ZFYVE9: variants seen among roughly 807,000 people sequenced by gnomAD.
The protein encoded by ZFYVE9 is zinc finger FYVE domain-containing protein 9.
A neutral mutation model predicts 126.7 loss-of-function variants in ZFYVE9; 43 were observed. The ratio of observed to expected loss-of-function variants is 0.34; its 90% CI spans 0.27 to 0.44. The LOEUF (loss-of-function observed/expected upper bound fraction) is 0.44, where lower values mean the gene tolerates loss of function less well. Among genes scored for constraint, ZFYVE9 ranks in the 20% least tolerant of loss-of-function variants. The pLI, the probability that ZFYVE9 is intolerant of heterozygous loss-of-function variation, is 1.00. For synonymous variants in ZFYVE9, 521 were observed against 597.4 expected, an observed-to-expected ratio of 0.87 and a Z score of 1.87; for missense variants, 1,476 against 1,697.0, an observed-to-expected ratio of 0.87 and a Z score of 2.29.
Position 52,255,938 on chromosome 1 carries a change from CTTTTCTTTTCTTTTCTTTTCTTTTCT to C in ZFYVE9, c.2179-7831_2179-7806del, listed in dbSNP as rs1350535178. Among the ~76,000 whole-genome samples, 585 of 124,222 alleles carry C rather than the reference CTTTTCTTTTCTTTTCTTTTCTTTTCT, an allele frequency of 4.7e-3. 7 individuals are homozygous for C. Among genetic ancestry groups the C allele is most frequent in the African/African-American group, 0.02 (501 of 25,158 alleles). The allele number at this position is 124,222 out of a possible 152,430, so 81.5% of individuals were successfully genotyped here. A position where few individuals can be genotyped will look rare whatever the true frequency, so the allele number is the denominator to read the frequency against. ...CTTTTCTTTTCTTTTCTTTTCTTTT[CTTTTCTTTTCTTTTCTTTTCTTTTCT>C]TTTCTTTCTTTCTTTCTTTCCTTCC... is the stretch of plus-strand genomic sequence containing the variant. On this transcript the variant is annotated intron_variant, in intron 4 of 18. Coordinates refer to ENST00000287727, the MANE Select transcript of ZFYVE9 (RefSeq NM_004799.4).
intron 10 of ZFYVE9, among the ~76,000 whole-genome samples, chr1:52,292,718 C>T (rs1645934695): frequency 6.6e-6 from 1 of 151,982 alleles, no homozygotes; most frequent in Non-Finnish European, 1.5e-5. Flanking sequence ...ATCCACCCAC[C>T]TCGGCCTCCC....
In ZFYVE9 at chr1:52,273,164, G is replaced by A. The variant is rs552860156; in HGVS notation, c.2626-1300G>A. 1.3e-4 allele frequency among the ~76,000 whole-genome samples: 20 copies of A among 151,774 alleles called. No homozygotes were observed. In the South Asian group the frequency reaches 1.5e-3, roughly 11 times the overall value. On this transcript the variant is annotated intron_variant, in intron 7 of 18. Coordinates refer to ENST00000287727, the MANE Select transcript of ZFYVE9 (RefSeq NM_004799.4). ...TGAGATTACAGGCATGCGCCACCACGCCCAACTAATTTTTGTATTATTAGT... is the reference window on the plus strand; with the variant it reads ...TGAGATTACAGGCATGCGCCACCACACCCAACTAATTTTTGTATTATTAGT...
At chr1:52,162,807 G>C (rs866984118) in intron 1 of ZFYVE9, 2 of 344,714 alleles carry the variant, frequency 5.8e-6, no homozygotes, top group African/African-American at 4.3e-5. Context: ...TCTGGATCAA[G>C]AGTGGGATCT....
chr1:52,286,406 CTA>C (rs1645859754), intron 10 of ZFYVE9, among the ~76,000 whole-genome samples: 1 of 152,098 alleles, frequency 6.6e-6, no homozygotes, highest in Non-Finnish European at 1.5e-5. Flanking sequence ...TGTTGTATAT[CTA>C]TATATGTGTG....
chr1:52,215,018 A>G (rs1645060061), intron 1 of ZFYVE9, among the ~76,000 whole-genome samples: 1 of 152,250 alleles, frequency 6.6e-6, no homozygotes, highest in Non-Finnish European at 1.5e-5. Context: ...ACCCAGAAAT[A>G]GTATTTAATT....
chr1:52,226,570 T>C (rs1313815932), intron 2 of ZFYVE9, among the ~76,000 whole-genome samples: 5 of 152,130 alleles, frequency 3.3e-5, no homozygotes, highest in Admixed American at 6.5e-5. Context: ...GGGCTACTTT[T>C]CATTAAAAAG....
intron 6 of ZFYVE9, 70 bp from the exon 7 acceptor site, chr1:52,268,390 CCTT>C (rs1028390115): frequency 2.7e-6 from 4 of 1,486,582 alleles, no homozygotes; most frequent in East Asian, 4.6e-5. Flanking sequence ...GAATTGGTGA[CCTT>C]CTCTTCTTTG....
At chr1:52,143,562 C>T (rs1644281167) in intron 1 of ZFYVE9, among the ~76,000 whole-genome samples, 1 of 152,032 alleles carries the variant, frequency 6.6e-6, no homozygotes, top group Admixed American at 6.6e-5. Context: ...GAGAAATCAC[C>T]CATAATCTCA....
intron 4 of ZFYVE9, among the ~76,000 whole-genome samples, chr1:52,247,109 T>A (rs1419904733): frequency 1.3e-5 from 2 of 152,142 alleles, no homozygotes; most frequent in Non-Finnish European, 2.9e-5. Flanking sequence ...GGATTATATG[T>A]GTGAGCCACT....
intron 13 of ZFYVE9, among the ~76,000 whole-genome samples, chr1:52,314,407 C>T (rs1240094995): frequency 2.0e-5 from 3 of 152,144 alleles, no homozygotes; most frequent in Non-Finnish European, 4.4e-5. Flanking sequence ...GCAGGCTGGG[C>T]GCAGTGACTC....
At chr1:52,159,456 A>G (rs1644435785) in intron 1 of ZFYVE9, among the ~76,000 whole-genome samples, 1 of 152,230 alleles carries the variant, frequency 6.6e-6, no homozygotes, top group Non-Finnish European at 1.5e-5. Context: ...TGTCAGGGAG[A>G]GTCTCAGAGT....
intron 4 of ZFYVE9, 48 bp downstream of exon 4, chr1:52,239,643 T>C: frequency 6.4e-7 from 1 of 1,561,036 alleles, no homozygotes. Flanking sequence ...CATTTTGTAA[T>C]GCTGAATTAA....
Position 52,260,534 on chromosome 1 carries a change from G to A in ZFYVE9, c.2179-3239G>A, listed in dbSNP as rs532534092. Reference sequence around the variant, plus strand: ...CTCTTTGATTAAAATGCTTAAGTGGGGGCTGGGCACGGTAGTTCACATCTG... The same window carrying A: ...CTCTTTGATTAAAATGCTTAAGTGGAGGCTGGGCACGGTAGTTCACATCTG... On this transcript the variant is annotated intron_variant, in intron 4 of 18. Transcript: ENST00000287727. Among the ~76,000 whole-genome samples the A allele has an allele frequency of 3.3e-5, 5 of 152,008 alleles. No individual in the cohort carries two copies. In the South Asian group the frequency reaches 1.0e-3, roughly 32 times the overall value.
At position 52,238,246 on chromosome 1, in the gene ZFYVE9, G is replaced by A. The variant is rs1363709266; in HGVS notation, c.829G>A (p.Gly277Arg). 6.2e-7 allele frequency: 1 copy of A among 1,614,028 alleles called. No homozygotes were observed. The highest frequency in any genetic ancestry group is 1.1e-5 in the South Asian group (1 of 91,072). ...AGTAATCTCATCCCAGGGAACAGAT[G>A]GATGTCCTGCTGTTAAAAAGCAAGA... ...DSVISSQGTD[G>R]CPAVKKQENY... Residue 277 changes from glycine to arginine, a missense_variant, in exon 4 of 19, where the codon GGA (glycine) becomes AGA (arginine). Transcript: ENST00000287727.
At chr1:52,158,723 C>T (rs531478977) in intron 1 of ZFYVE9, among the ~76,000 whole-genome samples, 46 of 152,232 alleles carry the variant, frequency 3.0e-4, no homozygotes, top group African/African-American at 9.1e-4. Flanking sequence ...CTGACCTTCA[C>T]GCTTAGTTTT....
intron 11 of ZFYVE9, among the ~76,000 whole-genome samples, chr1:52,294,860 C>T (rs1372327665): frequency 6.6e-6 from 1 of 152,168 alleles, no homozygotes; most frequent in African/African-American, 2.4e-5. Context: ...AGAGATGAGC[C>T]AGACTGATTT....
At chr1:52,304,572 T>C (rs1295389155) in intron 13 of ZFYVE9, among the ~76,000 whole-genome samples, 3 of 152,112 alleles carry the variant, frequency 2.0e-5, no homozygotes. Context: ...CGGGTTTCTT[T>C]GTATAAAATA....
chr1:52,303,081 G>C (rs1646050723), intron 12 of ZFYVE9, among the ~76,000 whole-genome samples: 1 of 152,198 alleles, frequency 6.6e-6, no homozygotes, highest in Non-Finnish European at 1.5e-5. Flanking sequence ...CTGCACTCCA[G>C]CTCGGGCAAC....
intron 17 of ZFYVE9, among the ~76,000 whole-genome samples, chr1:52,341,547 T>G (rs1646437753): frequency 6.6e-6 from 1 of 152,248 alleles, no homozygotes; most frequent in African/African-American, 2.4e-5. Context: ...TAGATCCCTT[T>G]ATTACTTTTG....
Sources: allele counts gnomAD v4.1 joint callset (sites outside exome capture counted in the v4.1 genomes callset), GRCh38; gene constraint gnomAD v4.1.1; transcripts MANE v1.5; gene names NCBI Gene and HGNC (gene_info 2026-07-23, HGNC 2026-07-21).